The following ME2 variants were observed in gnomAD, a reference collection of about 807,000 sequenced individuals.
ME2 encodes malic enzyme 2, also known as NAD-dependent malic enzyme, mitochondrial.
In ME2, 60 loss-of-function variants were observed where a neutral mutation model predicts 73.7. The observed-to-expected ratio is 0.81, with a 90% confidence interval of 0.66 to 1.01. The LOEUF is 1.01. ME2 is among the 50% of genes least tolerant of loss of function. The probability of loss-of-function intolerance (pLI) is 0.00; values close to 1 mark genes in which losing one functional copy is unlikely to be tolerated. For synonymous variants in ME2, 199 were observed against 236.9 expected (o/e 0.84, Z 1.47); for missense variants, 594 against 705.5 (o/e 0.84, Z 1.79).
chr18:50,904,526 G>A (rs1181809483), intron 2 of ME2, among the ~76,000 whole-genome samples: 1 of 151,700 alleles, frequency 6.6e-6, no homozygotes, highest in Non-Finnish European at 1.5e-5. Context: ...CTTGTGATCC[G>A]CCTGCCTCCG....
rs547876526 is a variant in ME2, at chr18:50,940,477, T to C, written c.1587+91T>C. ...TTTATTAAGATAAATCTGAAACATT[T>C]AGAAGGCTGCAAAGAAGAAATTTTA... is the stretch of plus-strand genomic sequence containing the variant. On this transcript the variant is annotated intron_variant, in intron 15 of 15. Coordinates refer to ENST00000321341, the MANE Select transcript of ME2 (RefSeq NM_002396.5). The C allele has an allele frequency of 6.5e-5, 58 of 889,292 alleles. 1 individual carries two copies. The South Asian group carries it at 9.3e-4, about 14-fold the overall frequency. 55.1% of individuals were successfully genotyped at this position (889,292 alleles called of 1,614,324 possible). A position where few individuals can be genotyped will look rare whatever the true frequency, so the allele number is the denominator to read the frequency against.
intron 1 of ME2, among the ~76,000 whole-genome samples, chr18:50,886,236 G>T (rs1444268575): frequency 6.8e-6 from 1 of 147,844 alleles, no homozygotes; most frequent in African/African-American, 2.5e-5. Flanking sequence ...ATTGAGAAAG[G>T]GTAAGTTAGA....
chr18:50,929,013 C>G (rs955752325), intron 12 of ME2, among the ~76,000 whole-genome samples: 1 of 151,932 alleles, frequency 6.6e-6, no homozygotes, highest in Non-Finnish European at 1.5e-5. Context: ...TGCTTGCTTA[C>G]AAAAATTTTT....
chr18:50,948,899 T>C lies in ME2; in HGVS notation c.*1715T>C, dbSNP rs1599133345. The C allele has an allele frequency of 1.5e-5, 2 of 130,056 alleles. No individual in the cohort carries two copies. The highest frequency in any genetic ancestry group is 3.1e-5 in the Non-Finnish European group (2 of 63,644). The allele number at this position is 130,056 out of a possible 1,614,324, so 8.1% of individuals were successfully genotyped here. A position where few individuals can be genotyped will look rare whatever the true frequency, so the allele number is the denominator to read the frequency against. On this transcript the variant is annotated 3_prime_UTR_variant, in exon 16 of 16. Transcript: ENST00000321341. ...CTCGCTTTTGTCGCCCAGTCTGGAG[T>C]GTAGTGGCATGATCTCTGCAACCTC...
At chr18:50,913,208 A>G (rs1383241512) in intron 4 of ME2, 1 of 252,222 alleles carries the variant, frequency 4.0e-6, no homozygotes, top group Non-Finnish European at 7.4e-6. Context: ...ATACTTCTGG[A>G]ACCTGCTCCC....
chr18:50,922,399 G>A (rs772760217), intron 10 of ME2, among the ~76,000 whole-genome samples: 1 of 152,200 alleles, frequency 6.6e-6, no homozygotes, highest in Non-Finnish European at 1.5e-5. Flanking sequence ...TCCTGACTGC[G>A]AAGCCTGTGC....
chr18:50,896,532 G>A (rs934648943), intron 2 of ME2, among the ~76,000 whole-genome samples: 3 of 152,100 alleles, frequency 2.0e-5, no homozygotes, highest in Admixed American at 6.5e-5. Flanking sequence ...TGTTTGGTTC[G>A]GTGGACAAGT....
rs1917058248 is a variant in ME2 at position 50,908,081 on chromosome 18, C to T, written c.127C>T (p.Gln43Ter). 1 of 1,581,404 alleles carries T rather than the reference C, an allele frequency of 6.3e-7. No individual in the cohort carries two copies. Among genetic ancestry groups the T allele is most frequent in the East Asian group, 2.3e-5 (1 of 43,658 alleles). ...RTNKGMAFTL[Q>*]ERQMLGLQGL... ...TCTTTAGGGAATGGCATTTACTTTACAAGAACGACAAATGCTTGGTCTTCA... is the reference window on the plus strand; with the variant it reads ...TCTTTAGGGAATGGCATTTACTTTATAAGAACGACAAATGCTTGGTCTTCA... Residue 43 changes from glutamine (Q) to a stop codon, truncating the protein, a stop_gained, in exon 3 of 16, where the codon CAA (glutamine) becomes TAA (stop). Coordinates refer to ENST00000321341, the MANE Select transcript of ME2 (RefSeq NM_002396.5). LOFTEE classifies it high-confidence loss of function.
At chr18:50,937,800 A>G (rs1266345004) in intron 13 of ME2, among the ~76,000 whole-genome samples, 11 of 152,190 alleles carry the variant, frequency 7.2e-5, no homozygotes, top group African/African-American at 2.2e-4. Flanking sequence ...GAAGGAAAAT[A>G]AAGAAAATTA....
chr18:50,948,933 C>T lies in ME2; in HGVS notation c.*1749C>T, dbSNP rs989992891. ...ATGATCTCTGCAACCTCTGCCTCCT[C>T]GGTTCAGGCGATTCTTCTGCCTTAG... On this transcript the variant is annotated 3_prime_UTR_variant, in exon 16 of 16. Transcript: ENST00000321341. The T allele has an allele frequency of 2.1e-5, 3 of 146,106 alleles. No individual in the cohort carries two copies. Among genetic ancestry groups the T allele is most frequent in the Admixed American group, 7.0e-5 (1 of 14,368 alleles). The allele number at this position is 146,106 out of a possible 1,614,324, so 9.1% of individuals were successfully genotyped here.
intron 10 of ME2, among the ~76,000 whole-genome samples, chr18:50,922,721 A>AGGT (rs1917458491): frequency 6.6e-6 from 1 of 152,180 alleles, no homozygotes; most frequent in Admixed American, 6.5e-5. Context: ...TCCAGTGTGC[A>AGGT]GGTAGCTTGG....
At chr18:50,917,982 AT>A in intron 6 of ME2, 127 bp from the exon 7 acceptor site, 1 of 543,418 alleles carries the variant, frequency 1.8e-6, no homozygotes. Context: ...AAAAGAAAAA[AT>A]AAAGTTTCTT....
At chr18:50,907,855 A>T (rs1437838606) in intron 2 of ME2, among the ~76,000 whole-genome samples, 6 of 152,248 alleles carry the variant, frequency 3.9e-5, no homozygotes, top group African/African-American at 1.4e-4. Flanking sequence ...GGCCTAAACT[A>T]GTTTATATTC....
chr18:50,900,511 T>TGACCTCGTGATCTGCC (rs1916863227), intron 2 of ME2, among the ~76,000 whole-genome samples: 1 of 151,948 alleles, frequency 6.6e-6, no homozygotes, highest in Non-Finnish European at 1.5e-5. Context: ...CGCGATCTGC[T>TGACCTCGTGATCTGCC]GACCTCGTGA....
chr18:50,914,523 T>C (rs1379723205), intron 4 of ME2, among the ~76,000 whole-genome samples: 2 of 152,170 alleles, frequency 1.3e-5, no homozygotes, highest in Admixed American at 1.3e-4. Context: ...ATGCAATGCA[T>C]TGTGCTATGG....
chr18:50,929,657 AAAT>A (rs1329203718), intron 12 of ME2, among the ~76,000 whole-genome samples: 1 of 152,108 alleles, frequency 6.6e-6, no homozygotes, highest in Non-Finnish European at 1.5e-5. Context: ...ATCAATCACA[AAAT>A]CACCATACAG....
chr18:50,931,268 G>A (rs1367621806), intron 12 of ME2, among the ~76,000 whole-genome samples: 1 of 152,190 alleles, frequency 6.6e-6, no homozygotes, highest in African/African-American at 2.4e-5. Context: ...TTGTTTTCCT[G>A]GAGTGATACT....
At chr18:50,944,580 G>C (rs1918039606) in intron 15 of ME2, among the ~76,000 whole-genome samples, 1 of 152,146 alleles carries the variant, frequency 6.6e-6, no homozygotes, top group African/African-American at 2.4e-5. Context: ...CTCATGCCTT[G>C]CCCGTAATCT....
chr18:50,912,867 C>A lies in ME2; in HGVS notation c.309C>A (p.Asp103Glu). 6.2e-7 allele frequency: 1 copy of A among 1,609,292 alleles called. No homozygotes were observed. Among genetic ancestry groups the A allele is most frequent in the South Asian group, 1.1e-5 (1 of 90,664 alleles). Reference sequence around the variant, plus strand: ...TGTTTTATAGAATACTGCAAGATGACATTGAGAGTTTAATGCCAATTGTAT... The same window carrying A: ...TGTTTTATAGAATACTGCAAGATGAAATTGAGAGTTTAATGCCAATTGTAT... Reference protein sequence around the residue: ...EKLFYRILQDDIESLMPIVYT... With the variant: ...EKLFYRILQDEIESLMPIVYT... The change falls in exon 4 of 16, where the codon GAC (aspartate) becomes GAA (glutamate). Residue 103 changes from aspartate (D) to glutamate (E), a missense_variant. Transcript: ENST00000321341.
Sources: gnomAD v4.1 joint callset for allele counts (sites outside exome capture counted in the v4.1 genomes callset) on GRCh38, gnomAD v4.1.1 for gene constraint, MANE v1.5 for transcripts, NCBI Gene and HGNC (gene_info 2026-07-23, HGNC 2026-07-21) for gene names.